Variants in ATP9B observed in about 807,000 individuals in gnomAD.
ATP9B encodes the protein ATPase phospholipid transporting 9B, also known as probable phospholipid-transporting ATPase IIB.
A neutral mutation model predicts 146.1 loss-of-function variants in ATP9B; 110 were observed. The observed-to-expected ratio is 0.75, with a 90% CI of 0.65 to 0.88. The LOEUF (loss-of-function observed/expected upper bound fraction) is 0.88, where lower values mean the gene tolerates loss of function less well. ATP9B is among the 40% of genes least tolerant of loss of function. The pLI is 0.00. For synonymous variants in ATP9B, 604 were observed against 569.7 expected (o/e 1.06, Z -0.86); for missense variants, 1,499 against 1,496.4 (o/e 1.00, Z -0.03).
chr18:79,364,005 C>G (rs982025991), intron 26 of ATP9B: 1 of 152,206 alleles, frequency 6.6e-6, no homozygotes, highest in Non-Finnish European at 1.5e-5. Context: ...CGGTGGCTCA[C>G]GCCTGTAATC....
intron 7 of ATP9B, among the ~76,000 whole-genome samples, chr18:79,176,010 TTCTTTATTTCACAA>T (rs1331232908): frequency 2.6e-5 from 4 of 152,252 alleles, no homozygotes; most frequent in Admixed American, 2.6e-4. Flanking sequence ...GCACCTTACT[TTCTTTATTTCACAA>T]TCTATATCCT....
chr18:79,276,502 G>C (rs1012989379), intron 12 of ATP9B, among the ~76,000 whole-genome samples: 1 of 152,200 alleles, frequency 6.6e-6, no homozygotes, highest in Non-Finnish European at 1.5e-5. Context: ...ATTGGTCATG[G>C]TAAAACAAGT....
chr18:79,113,207 A>C, intron 3 of ATP9B, 34 bp from the exon 4 acceptor site: 1 of 1,294,068 alleles, frequency 7.7e-7, no homozygotes, highest in South Asian at 1.3e-5. Flanking sequence ...TTTTCCTTGA[A>C]GGAATTTTGT....
At chr18:79,240,742 G>A (rs1218557537) in intron 11 of ATP9B, among the ~76,000 whole-genome samples, 5 of 152,146 alleles carry the variant, frequency 3.3e-5, no homozygotes, top group Admixed American at 6.6e-5. Flanking sequence ...GCGAAACTCC[G>A]CCTCAAAAAA....
chr18:79,147,866 A>T (rs1339295719), intron 6 of ATP9B, among the ~76,000 whole-genome samples: 4 of 152,116 alleles, frequency 2.6e-5, no homozygotes, highest in Admixed American at 1.3e-4. Context: ...CAAGATAGAA[A>T]ATCAATCAAT....
chr18:79,155,042 A>G lies in ATP9B; in HGVS notation c.778+487A>G, dbSNP rs189194267. The stretch of plus-strand genomic sequence containing the variant: ...TGACATCTAATTAAATGATGATGTT[A>G]CTTAAAATTTGATGGCTATTTTGCA... On this transcript the variant is annotated intron_variant, in intron 7 of 29. Coordinates refer to ENST00000426216, the MANE Select transcript of ATP9B (RefSeq NM_198531.5). Among the ~76,000 whole-genome samples, 39 of 152,362 alleles carry G rather than the reference A, an allele frequency of 2.6e-4. No individual in the cohort carries two copies. In the East Asian group the frequency reaches 6.2e-3, roughly 24 times the overall value.
chr18:79,344,148 G>A (rs999214762), intron 20 of ATP9B, 117 bp from the exon 21 acceptor site: 6 of 987,198 alleles, frequency 6.1e-6, no homozygotes, highest in Non-Finnish European at 7.8e-6. Flanking sequence ...AGCTCCTTTG[G>A]TTTTAGATAA....
intron 2 of ATP9B, among the ~76,000 whole-genome samples, chr18:79,097,489 T>A (rs28520322): frequency 0.13 from 19,708 of 150,792 alleles, 1,846 homozygotes; most frequent in African/African-American, 0.26. Context: ...TTTAATTTTT[T>A]ATTTTTTTAT....
intron 8 of ATP9B, among the ~76,000 whole-genome samples, chr18:79,192,394 C>T (rs1568370215): frequency 6.6e-6 from 1 of 152,096 alleles, no homozygotes; most frequent in East Asian, 1.9e-4. Flanking sequence ...TAGGAGGACT[C>T]CCAGGACTCA....
intron 11 of ATP9B, among the ~76,000 whole-genome samples, chr18:79,227,946 T>C (rs1265069373): frequency 3.3e-5 from 5 of 152,250 alleles, no homozygotes; most frequent in Non-Finnish European, 7.3e-5. Flanking sequence ...TTTCCTTTCA[T>C]GAGGGTTGAA....
At chr18:79,327,431 G>A (rs1277837116) in intron 15 of ATP9B, among the ~76,000 whole-genome samples, 1 of 152,108 alleles carries the variant, frequency 6.6e-6, no homozygotes, top group African/African-American at 2.4e-5. Flanking sequence ...CAGAGAGCGT[G>A]CTCTCCATGG....
intron 15 of ATP9B, among the ~76,000 whole-genome samples, chr18:79,313,102 T>G (rs1249286829): frequency 6.6e-6 from 1 of 152,242 alleles, no homozygotes; most frequent in Non-Finnish European, 1.5e-5. Flanking sequence ...CTGTTACAGT[T>G]CATAGATTGT....
intron 13 of ATP9B, among the ~76,000 whole-genome samples, chr18:79,292,454 T>A (rs2146194487): frequency 6.6e-6 from 1 of 152,262 alleles, no homozygotes; most frequent in South Asian, 2.1e-4. Flanking sequence ...GTATTTACAG[T>A]GCATCAAAAA....
At chr18:79,350,713 G>T (rs12604865) in intron 25 of ATP9B, among the ~76,000 whole-genome samples, 133,813 of 151,914 alleles carry the variant, frequency 0.88, 59,051 homozygotes, top group East Asian at 1. Context: ...AAGTGCTAAC[G>T]CTTTTTAAAT....
intron 25 of ATP9B, among the ~76,000 whole-genome samples, chr18:79,351,943 C>A (rs2096924405): frequency 6.6e-6 from 1 of 152,128 alleles, no homozygotes; most frequent in African/African-American, 2.4e-5. Context: ...GAATGCCATG[C>A]CCTCCCCGAG....
Position 79,345,847 on chromosome 18 carries a change from C to T in ATP9B, c.2682+8C>T, listed in dbSNP as rs200232411. 21 of 1,614,104 alleles carry T rather than the reference C, an allele frequency of 1.3e-5. No homozygotes were observed. The highest frequency in any genetic ancestry group is 4.0e-5 in the African/African-American group (3 of 75,068). On this transcript the variant is annotated splice_region_variant and intron_variant, in intron 23 of 29. Transcript: ENST00000426216. Reference sequence around the variant, plus strand: ...ATTGGGATTGAGGGAAAGGTAGGTTCGCCCTTTTATCAACACATTAGCACA... The same window carrying T: ...ATTGGGATTGAGGGAAAGGTAGGTTTGCCCTTTTATCAACACATTAGCACA...
chr18:79,195,842 T>C (rs1464952148), intron 9 of ATP9B, among the ~76,000 whole-genome samples: 1 of 151,932 alleles, frequency 6.6e-6, no homozygotes, highest in African/African-American at 2.4e-5. Flanking sequence ...GGACTAGAAG[T>C]TGATGGATGT....
chr18:79,081,489 G>C (rs2073255272), intron 1 of ATP9B, among the ~76,000 whole-genome samples: 1 of 151,260 alleles, frequency 6.6e-6, no homozygotes, highest in South Asian at 2.1e-4. Flanking sequence ...GTGTCTATTT[G>C]ATTCTTCTCT....
Position 79,344,268 on chromosome 18 carries a change from A to G in ATP9B, c.2386A>G (p.Thr796Ala). The G allele has an allele frequency of 6.2e-7, 1 of 1,614,130 alleles. No individual in the cohort carries two copies. The highest frequency in any genetic ancestry group is 1.1e-5 in the South Asian group (1 of 91,086). The change falls in exon 21 of 30, where the codon ACC (threonine) becomes GCC (alanine). Residue 796 changes from threonine (T) to alanine (A), a missense_variant. Coordinates refer to ENST00000426216, the MANE Select transcript of ATP9B (RefSeq NM_198531.5). ...TTCTTTTTCTCCCTTAATGGAGGTA[A>G]CCAGTCGGGGAGAGGCACATTTGGA... ...TQDIHIFRQV[T>A]SRGEAHLELN...
Sources: allele counts gnomAD v4.1 joint callset (sites outside exome capture counted in the v4.1 genomes callset), GRCh38; gene constraint gnomAD v4.1.1; transcripts MANE v1.5; gene names NCBI Gene and HGNC (gene_info 2026-07-23, HGNC 2026-07-21).